The following DHRSX variants were observed in gnomAD, a reference collection of about 807,000 sequenced individuals.
The protein encoded by DHRSX is dehydrogenase/reductase X-linked.
A neutral mutation model predicts 34.0 loss-of-function variants in DHRSX; 31 were observed. That is an observed-to-expected ratio of 0.91 (90% CI 0.69 to 1.23). The LOEUF (loss-of-function observed/expected upper bound fraction) is 1.23. Among genes scored for constraint, DHRSX ranks in the 50% most tolerant of loss-of-function variants. DHRSX has a pLI of 0.00. For synonymous variants in DHRSX, 201 were observed against 183.8 expected (o/e 1.09, Z -0.76); for missense variants, 414 against 428.1 (o/e 0.97, Z 0.29).
intron 1 of DHRSX, among the ~76,000 whole-genome samples, chrX:2,428,041 C>T (rs1043103472): frequency 2.0e-5 from 3 of 151,906 alleles, no homozygotes; most frequent in Non-Finnish European, 4.4e-5. Flanking sequence ...CCCTTATAAG[C>T]GGGAATTAAA....
intron 2 of DHRSX, among the ~76,000 whole-genome samples, chrX:2,422,383 C>T (rs1416865390): frequency 6.6e-6 from 1 of 151,942 alleles, no homozygotes; most frequent in Non-Finnish European, 1.5e-5. Context: ...CCGCCTCAGC[C>T]TCCCGAGCAG....
At chrX:2,321,686 T>TA (rs1306580110) in intron 3 of DHRSX, among the ~76,000 whole-genome samples, 1 of 152,064 alleles carries the variant, frequency 6.6e-6, no homozygotes, top group Non-Finnish European at 1.5e-5. Flanking sequence ...CCTCCAGTAC[T>TA]ATAGAGAAAT....
chrX:2,391,708 C>A (rs1368226070), intron 3 of DHRSX, among the ~76,000 whole-genome samples: 1 of 152,086 alleles, frequency 6.6e-6, no homozygotes, highest in African/African-American at 2.4e-5. Context: ...GGCAGATCAC[C>A]TGAGGTCAGG....
intron 4 of DHRSX, among the ~76,000 whole-genome samples, chrX:2,277,569 C>CGA (rs1556448292): frequency 0.019 from 2 of 106 alleles, 1 homozygote; most frequent in African/African-American, 0.12. Flanking sequence ...GGAGGGCAAA[C>CGA]GAGAGGGAGA....
intron 3 of DHRSX, among the ~76,000 whole-genome samples, chrX:2,314,127 T>C (rs2042196695): frequency 1.4e-5 from 2 of 142,466 alleles, no homozygotes; most frequent in African/African-American, 5.3e-5. Context: ...TGGCTCTCAG[T>C]TGATTATGTC....
Position 2,220,831 on chromosome X carries a change from T to C in DHRSX, c.*210A>G. 1.9e-6 allele frequency: 1 copy of C among 516,974 alleles called. No homozygotes were observed. The highest frequency in any genetic ancestry group is 3.5e-6 in the Non-Finnish European group (1 of 289,798). 32.0% of individuals were successfully genotyped at this position (516,974 alleles called of 1,614,324 possible). Reference sequence around the variant, plus strand: ...CACTTTGGAATCACAAAGTTTATGGTTGAAGACCACTTGGGGTGATTATCC... The same window carrying C: ...CACTTTGGAATCACAAAGTTTATGGCTGAAGACCACTTGGGGTGATTATCC... On this transcript the variant is annotated 3_prime_UTR_variant, in exon 7 of 7. Transcript: ENST00000334651.
At chrX:2,307,350 C>G (rs1332672565) in intron 3 of DHRSX, among the ~76,000 whole-genome samples, 3 of 152,100 alleles carry the variant, frequency 2.0e-5, no homozygotes, top group African/African-American at 7.2e-5. Context: ...AAAACTCTAC[C>G]TATGAGGTAT....
intron 3 of DHRSX, among the ~76,000 whole-genome samples, chrX:2,390,008 C>T (rs1334131865): frequency 1.3e-5 from 2 of 151,908 alleles, no homozygotes; most frequent in East Asian, 3.9e-4. Context: ...CTCGAACTCC[C>T]GACCTCAAGT....
At chrX:2,282,818 GA>G (rs1569483527) in intron 4 of DHRSX, among the ~76,000 whole-genome samples, 8 of 130,042 alleles carry the variant, frequency 6.2e-5, no homozygotes, top group Non-Finnish European at 1.1e-4. Context: ...GAGAAAGAGA[GA>G]GAGGGAGAGA....
At chrX:2,422,243 A>G (rs2043789625) in intron 2 of DHRSX, among the ~76,000 whole-genome samples, 1 of 152,184 alleles carries the variant, frequency 6.6e-6, no homozygotes, top group African/African-American at 2.4e-5. Context: ...GGAAGAAGTC[A>G]ATCAATAATG....
intron 1 of DHRSX, among the ~76,000 whole-genome samples, chrX:2,446,991 G>A (rs2044146864): frequency 1.3e-5 from 2 of 149,468 alleles, no homozygotes; most frequent in Admixed American, 1.3e-4. Flanking sequence ...GCCAAGGGAC[G>A]GCACTGAAGA....
intron 3 of DHRSX, among the ~76,000 whole-genome samples, chrX:2,298,088 C>G (rs914171937): frequency 3.3e-5 from 5 of 151,858 alleles, no homozygotes; most frequent in Non-Finnish European, 7.4e-5. Context: ...AACAGGCATG[C>G]TTGAGACAGA....
chrX:2,500,975 GCGCCCGCC>G (rs1313570013), exon 1 of DHRSX: 2 of 949,414 alleles, frequency 2.1e-6, no homozygotes, highest in African/African-American at 1.8e-5. Flanking sequence ...GCGGGACTCT[GCGCCCGCC>G]CGCCCGGACG....
At chrX:2,381,797 C>CAAAAAAAAAAAAAAAAAAA (rs767319246) in intron 3 of DHRSX, among the ~76,000 whole-genome samples, 1 of 81,614 alleles carries the variant, frequency 1.2e-5, no homozygotes. Context: ...AAGCCACAAC[C>CAAAAAAAAAAAAAAAAAAA]AAAAAAAAAA....
intron 3 of DHRSX, among the ~76,000 whole-genome samples, chrX:2,340,509 G>A (rs1386713999): frequency 6.6e-6 from 1 of 151,458 alleles, no homozygotes; most frequent in Non-Finnish European, 1.5e-5. Flanking sequence ...CAATGTTCTG[G>A]AGTCCACAGT....
At chrX:2,351,203 G>A (rs1205619798) in intron 3 of DHRSX, among the ~76,000 whole-genome samples, 6 of 152,218 alleles carry the variant, frequency 3.9e-5, no homozygotes, top group South Asian at 2.1e-4. Context: ...CCTATGTAAC[G>A]AACCTGCACG....
At chrX:2,313,740 G>A (rs1467670496) in intron 3 of DHRSX, among the ~76,000 whole-genome samples, 2 of 152,128 alleles carry the variant, frequency 1.3e-5, no homozygotes. Context: ...AGCGAAATAT[G>A]AGTGACCACG....
chrX:2,401,461 CATT>C (rs2043484801), intron 3 of DHRSX, among the ~76,000 whole-genome samples: 1 of 152,140 alleles, frequency 6.6e-6, no homozygotes, highest in African/African-American at 2.4e-5. Flanking sequence ...GTTACACAAT[CATT>C]ATAGAAAATG....
intron 5 of DHRSX, among the ~76,000 whole-genome samples, chrX:2,243,925 A>G (rs1050373599): frequency 7.0e-6 from 1 of 143,044 alleles, no homozygotes; most frequent in Non-Finnish European, 1.5e-5. Flanking sequence ...TCCTGTCACC[A>G]CGCCCGGCTA....
Sources: gnomAD v4.1 joint callset for allele counts (sites outside exome capture counted in the v4.1 genomes callset) on GRCh38, gnomAD v4.1.1 for gene constraint, MANE v1.5 for transcripts, NCBI Gene and HGNC (gene_info 2026-07-23, HGNC 2026-07-21) for gene names.